Variants in COL28A1 observed in about 807,000 individuals in gnomAD.
The protein encoded by COL28A1 is collagen alpha-1(XXVIII) chain.
Under a neutral mutation model 150.2 loss-of-function variants are expected in COL28A1, and 161 were observed. The observed-to-expected ratio is 1.07, with a 90% CI of 0.94 to 1.22. COL28A1 has a LOEUF of 1.22. COL28A1 is among the 50% of genes most tolerant of loss of function. The pLI is 0.00. For synonymous variants in COL28A1, 552 were observed against 469.7 expected, an observed-to-expected ratio of 1.18 and a Z score of -2.26; for missense variants, 1,617 against 1,388.3, an observed-to-expected ratio of 1.16 and a Z score of -2.62.
Position 7,437,546 on chromosome 7 carries a change from G to A in COL28A1, c.1723-84C>T, listed in dbSNP as rs17167726. The stretch of plus-strand genomic sequence containing the variant: ...TATTAAGAAAAGTACAGAAATGTCT[G>A]CAGATTTTTAAATTATGTTATGACC... On this transcript the variant is annotated intron_variant, in intron 21 of 34. Transcript: ENST00000399429. 9.1e-3 allele frequency: 13,616 copies of A among 1,489,906 alleles called. 174 individuals carry two copies. The highest frequency in any genetic ancestry group is 0.059 in the African/African-American group (4,122 of 70,458). The allele number at this position is 1,489,906 out of a possible 1,614,324, so 92.3% of individuals were successfully genotyped here.
chr7:7,401,144 C>T (rs1783181669), intron 27 of COL28A1, among the ~76,000 whole-genome samples: 1 of 151,914 alleles, frequency 6.6e-6, no homozygotes, highest in South Asian at 2.1e-4. Context: ...CCTCACGTGG[C>T]TTCCAGGACA....
At chr7:7,376,071 C>A (rs1334607979) in intron 30 of COL28A1, among the ~76,000 whole-genome samples, 1 of 152,140 alleles carries the variant, frequency 6.6e-6, no homozygotes, top group East Asian at 1.9e-4. Context: ...TTCCTGAACG[C>A]CCTTTTCTTG....
At chr7:7,447,113 A>G (rs1454121788) in intron 18 of COL28A1, among the ~76,000 whole-genome samples, 1 of 152,220 alleles carries the variant, frequency 6.6e-6, no homozygotes, top group Non-Finnish European at 1.5e-5. Flanking sequence ...AACAGTGGGA[A>G]AAAATTAACC....
intron 22 of COL28A1, among the ~76,000 whole-genome samples, chr7:7,436,771 G>A (rs933135841): frequency 6.6e-6 from 1 of 152,210 alleles, no homozygotes; most frequent in Admixed American, 6.5e-5. Context: ...CAGGCACAGT[G>A]GCTCACACCT....
chr7:7,507,458 G>C (rs765732578), intron 9 of COL28A1, among the ~76,000 whole-genome samples: 1 of 152,208 alleles, frequency 6.6e-6, no homozygotes, highest in South Asian at 2.1e-4. Context: ...AGATTCCTTA[G>C]AGGGCTATAA....
intron 15 of COL28A1, among the ~76,000 whole-genome samples, chr7:7,465,663 A>T (rs1420678320): frequency 9.7e-6 from 1 of 102,624 alleles, no homozygotes; most frequent in African/African-American, 3.8e-5. Context: ...GGCACAGACA[A>T]ACAAAAAGAC....
chr7:7,376,006 C>T (rs1386385363), intron 30 of COL28A1, among the ~76,000 whole-genome samples: 1 of 152,088 alleles, frequency 6.6e-6, no homozygotes, highest in Non-Finnish European at 1.5e-5. Context: ...TTTTCAAGTC[C>T]TCTCTTCAGC....
intron 15 of COL28A1, among the ~76,000 whole-genome samples, chr7:7,460,049 C>T (rs867022378): frequency 3.9e-5 from 6 of 152,218 alleles, no homozygotes; most frequent in African/African-American, 1.4e-4. Flanking sequence ...CAATCCTAAA[C>T]TTATCCCCAA....
upstream of COL28A1, among the ~76,000 whole-genome samples, chr7:7,538,908 T>G (rs551648063): frequency 1.2e-3 from 187 of 152,258 alleles, no homozygotes; most frequent in African/African-American, 4.4e-3. Context: ...CCTTCGTACC[T>G]GATTTGAAGA....
chr7:7,353,230 A>G (rs1294623), downstream of COL28A1, among the ~76,000 whole-genome samples: 133,528 of 152,192 alleles, frequency 0.88, 58,746 homozygotes, highest in East Asian at 1. Flanking sequence ...CACTGATAAC[A>G]TTGATTACAA....
At chr7:7,462,581 G>A (rs1011422317) in intron 15 of COL28A1, among the ~76,000 whole-genome samples, 3 of 152,310 alleles carry the variant, frequency 2.0e-5, no homozygotes, top group Admixed American at 6.5e-5. Flanking sequence ...AATGCAGGCT[G>A]AGCACGGTGG....
intron 33 of COL28A1, among the ~76,000 whole-genome samples, chr7:7,365,738 T>C (rs985104064): frequency 1.3e-5 from 2 of 152,224 alleles, no homozygotes; most frequent in African/African-American, 4.8e-5. Flanking sequence ...ACTTAGCATA[T>C]TCCCAGGAGT....
At chr7:7,439,951 A>T (rs968555183) in intron 21 of COL28A1, among the ~76,000 whole-genome samples, 2 of 152,178 alleles carry the variant, frequency 1.3e-5, no homozygotes, top group Non-Finnish European at 2.9e-5. Context: ...ACCATTTTTT[A>T]AAAATGTGCT....
upstream of COL28A1, among the ~76,000 whole-genome samples, chr7:7,537,201 C>T (rs1039984198): frequency 2.6e-5 from 4 of 152,190 alleles, no homozygotes; most frequent in African/African-American, 9.6e-5. Context: ...GGATACAAGG[C>T]AGGAACCAGC....
chr7:7,460,160 T>C (rs1787492077), intron 15 of COL28A1, among the ~76,000 whole-genome samples: 1 of 152,216 alleles, frequency 6.6e-6, no homozygotes, highest in African/African-American at 2.4e-5. Context: ...TTTCATCCTC[T>C]TCCTGAGTCA....
intron 27 of COL28A1, among the ~76,000 whole-genome samples, chr7:7,392,412 T>G (rs916282682): frequency 6.6e-6 from 1 of 152,230 alleles, no homozygotes; most frequent in Non-Finnish European, 1.5e-5. Context: ...TAACATTTTT[T>G]CCTTCATTTC....
At chr7:7,503,218 A>G (rs1780631275) in intron 11 of COL28A1, among the ~76,000 whole-genome samples, 1 of 152,226 alleles carries the variant, frequency 6.6e-6, no homozygotes, top group Non-Finnish European at 1.5e-5. Context: ...TTCAATACTC[A>G]GTCTGTCCCT....
At chr7:7,423,822 TCA>T (rs1244196512) in intron 25 of COL28A1, among the ~76,000 whole-genome samples, 1 of 152,174 alleles carries the variant, frequency 6.6e-6, no homozygotes, top group Non-Finnish European at 1.5e-5. Context: ...ATTCTCTCCT[TCA>T]CAGTCTCCCT....
At chr7:7,354,887 G>T (rs768029059), downstream of COL28A1, among the ~76,000 whole-genome samples, 1 of 152,080 alleles carries the variant, frequency 6.6e-6, no homozygotes, top group African/African-American at 2.4e-5. Flanking sequence ...TGACACCAAA[G>T]AGCTAATAGG....
Sources: allele counts gnomAD v4.1 joint callset (sites outside exome capture counted in the v4.1 genomes callset), GRCh38; gene constraint gnomAD v4.1.1; transcripts MANE v1.5; gene names NCBI Gene and HGNC (gene_info 2026-07-23, HGNC 2026-07-21).